Variants in PSMA8 observed in about 807,000 individuals in gnomAD.
The protein encoded by PSMA8 is proteasome 20S subunit alpha 8.
Under a neutral mutation model 32.4 loss-of-function variants are expected in PSMA8, and 18 were observed. The ratio of observed to expected loss-of-function variants is 0.56; its 90% confidence interval spans 0.38 to 0.82. The LOEUF is 0.82. PSMA8 is among the 40% of genes least tolerant of loss of function. The probability of loss-of-function intolerance (pLI) is 0.00; values close to 1 mark genes in which losing one functional copy is unlikely to be tolerated. For missense variants in PSMA8, 298 were observed against 300.7 expected (o/e 0.99, Z 0.07); for synonymous variants, 104 against 98.1 (o/e 1.06, Z -0.36).
At chr18:26,135,908 A>G (rs1417234252) in intron 1 of PSMA8, among the ~76,000 whole-genome samples, 2 of 152,232 alleles carry the variant, frequency 1.3e-5, no homozygotes, top group Admixed American at 6.5e-5. Context: ...GCATGTTTGC[A>G]TGGAGTTATT....
chr18:26,175,415 T>C (rs1467376244), intron 4 of PSMA8, among the ~76,000 whole-genome samples: 5 of 152,196 alleles, frequency 3.3e-5, no homozygotes, highest in Non-Finnish European at 7.3e-5. Context: ...GTTGACACCA[T>C]GGAGTGCTCT....
At chr18:26,147,078 T>C (rs976433039) in intron 2 of PSMA8, among the ~76,000 whole-genome samples, 1 of 151,908 alleles carries the variant, frequency 6.6e-6, no homozygotes, top group African/African-American at 2.4e-5. Context: ...TGGGGGATAG[T>C]GCTAAGCTAG....
intron 3 of PSMA8, among the ~76,000 whole-genome samples, chr18:26,152,568 G>A (rs1226118294): frequency 6.6e-6 from 1 of 151,948 alleles, no homozygotes. Context: ...CAAGCAGTCC[G>A]CCCACCTTGA....
chr18:26,153,724 G>A (rs541093046), intron 3 of PSMA8, among the ~76,000 whole-genome samples: 1 of 152,108 alleles, frequency 6.6e-6, no homozygotes, highest in Admixed American at 6.5e-5. Flanking sequence ...CTACTTCTTA[G>A]TTAATGCCTT....
At chr18:26,185,454 C>G (rs1458837482) in intron 6 of PSMA8, among the ~76,000 whole-genome samples, 1 of 150,714 alleles carries the variant, frequency 6.6e-6, no homozygotes, top group Non-Finnish European at 1.5e-5. Flanking sequence ...TGATTCCTCT[C>G]ATGACCACCA....
In PSMA8 at chr18:26,185,521, C is replaced by G. The variant is rs564185714; in HGVS notation, c.660+6391C>G. ...ACCTTTTATAGGAGAGGGAGAACTT[C>G]CCTAACTCTGGAATGTAAGTCCTTC... On this transcript the variant is annotated intron_variant, in intron 6 of 6. Transcript: ENST00000415576. Among the ~76,000 whole-genome samples the G allele has an allele frequency of 2.7e-5, 4 of 150,696 alleles. 1 individual carries two copies. The highest frequency in any genetic ancestry group is 5.9e-5 in the Non-Finnish European group (4 of 67,734).
rs533888679 is a variant in PSMA8, at chr18:26,137,267, G to A, written c.102+3200G>A. The stretch of plus-strand genomic sequence containing the variant: ...GAGGTCAGGAGTTTGAGACCAGCCT[G>A]GCCAACATGGTGATGCCCCATCTCT... On this transcript the variant is annotated intron_variant, in intron 1 of 6. Coordinates refer to ENST00000415576, the MANE Select transcript of PSMA8 (RefSeq NM_001025096.2). Among the ~76,000 whole-genome samples the A allele has an allele frequency of 7.2e-5, 11 of 152,260 alleles. No homozygotes were observed. The East Asian group carries it at 1.9e-3, about 27-fold the overall frequency.
At chr18:26,180,097 A>G (rs1354718047) in intron 6 of PSMA8, among the ~76,000 whole-genome samples, 1 of 150,714 alleles carries the variant, frequency 6.6e-6, no homozygotes, top group East Asian at 1.9e-4. Context: ...CTAAAAATAC[A>G]AAAAAAATAG....
chr18:26,159,336 C>G (rs2055117062), intron 4 of PSMA8, among the ~76,000 whole-genome samples: 1 of 152,098 alleles, frequency 6.6e-6, no homozygotes, highest in Non-Finnish European at 1.5e-5. Flanking sequence ...CAACAAATAT[C>G]AGAATACTTA....
At chr18:26,166,241 A>T (rs916020499) in intron 4 of PSMA8, among the ~76,000 whole-genome samples, 26 of 152,374 alleles carry the variant, frequency 1.7e-4, no homozygotes, top group African/African-American at 6.3e-4. Context: ...GATATACAGT[A>T]AAAAGTGGCA....
intron 6 of PSMA8, among the ~76,000 whole-genome samples, chr18:26,181,584 C>T (rs1236220322): frequency 6.6e-6 from 1 of 152,150 alleles, no homozygotes; most frequent in African/African-American, 2.4e-5. Flanking sequence ...GAAAGCTAGG[C>T]CTCTTGTGCA....
At chr18:26,178,359 CA>C (rs1455253788) in intron 4 of PSMA8, among the ~76,000 whole-genome samples, 1 of 152,178 alleles carries the variant, frequency 6.6e-6, no homozygotes, top group East Asian at 1.9e-4. Flanking sequence ...CCTGTAATCC[CA>C]ACACTTTGAG....
intron 6 of PSMA8, 109 bp downstream of exon 6, chr18:26,179,239 T>C (rs2055289680): frequency 7.0e-6 from 5 of 714,872 alleles, no homozygotes; most frequent in East Asian, 5.2e-5. Flanking sequence ...CCTTCATTAA[T>C]GTCAAATAAC....
intron 2 of PSMA8, among the ~76,000 whole-genome samples, chr18:26,147,668 TATAAA>T (rs2055014890): frequency 6.6e-6 from 1 of 152,176 alleles, no homozygotes; most frequent in African/African-American, 2.4e-5. Flanking sequence ...TTTCTACTGT[TATAAA>T]ATATTGTAGT....
chr18:26,159,633 G>A (rs928741758), intron 4 of PSMA8, among the ~76,000 whole-genome samples: 8 of 151,570 alleles, frequency 5.3e-5, no homozygotes, highest in Non-Finnish European at 7.4e-5. Context: ...ATAATTTTTC[G>A]GTTTTAATTT....
At chr18:26,149,848 G>A (rs2055031452) in intron 2 of PSMA8, among the ~76,000 whole-genome samples, 1 of 152,160 alleles carries the variant, frequency 6.6e-6, no homozygotes, top group Admixed American at 6.5e-5. Flanking sequence ...AGCTTCATGA[G>A]ATTAGATTTG....
chr18:26,152,580 C>T (rs1036724373), intron 3 of PSMA8, among the ~76,000 whole-genome samples: 2 of 152,128 alleles, frequency 1.3e-5, no homozygotes, highest in Admixed American at 6.5e-5. Flanking sequence ...CCACCTTGAC[C>T]TCCCAAAGTT....
chr18:26,137,736 G>A (rs543301563), intron 1 of PSMA8, among the ~76,000 whole-genome samples: 1 of 152,138 alleles, frequency 6.6e-6, no homozygotes, highest in East Asian at 1.9e-4. Context: ...AAATAGATTC[G>A]ATCCCTGTCC....
Position 26,146,705 on chromosome 18 carries a change from G to A in PSMA8, c.229+2020G>A, listed in dbSNP as rs184291022. 1.8e-4 allele frequency among the ~76,000 whole-genome samples: 28 copies of A among 152,342 alleles called. 1 individual carries two copies. Among genetic ancestry groups the A allele is most frequent in the South Asian group, 1.2e-3 (6 of 4,824 alleles). ...TTGAACCCAGCAGGTTGAGGCTGCAGTGAGCTGTGATCACACCACTGCATT... is the reference window on the plus strand; with the variant it reads ...TTGAACCCAGCAGGTTGAGGCTGCAATGAGCTGTGATCACACCACTGCATT... On this transcript the variant is annotated intron_variant, in intron 2 of 6. Transcript: ENST00000415576.
Sources: allele counts gnomAD v4.1 joint callset (sites outside exome capture counted in the v4.1 genomes callset), GRCh38; gene constraint gnomAD v4.1.1; transcripts MANE v1.5; gene names NCBI Gene and HGNC (gene_info 2026-07-23, HGNC 2026-07-21).